RASGRP3: variants seen among roughly 807,000 people sequenced by gnomAD.
RASGRP3 encodes RAS guanyl releasing protein 3.
RASGRP3 carries 54 observed loss-of-function variants against 82.7 expected under a neutral mutation model. The ratio of observed to expected loss-of-function variants is 0.65; its 90% CI spans 0.52 to 0.82. RASGRP3 has a LOEUF of 0.82. Among genes scored for constraint, RASGRP3 ranks in the 40% least tolerant of loss-of-function variants. The probability of loss-of-function intolerance (pLI) is 0.00; values close to 1 mark genes in which losing one functional copy is unlikely to be tolerated. For synonymous variants in RASGRP3, 309 were observed against 300.5 expected, an observed-to-expected ratio of 1.03 and a Z score of -0.29; for missense variants, 861 against 828.9, an observed-to-expected ratio of 1.04 and a Z score of -0.48.
chr2:33,540,555 TTTGTG>T lies in RASGRP3; in HGVS notation c.1278+1347_1278+1351del, dbSNP rs1419465503. On this transcript the variant is annotated intron_variant, in intron 12 of 17. Transcript: ENST00000403687. ...TCTCTCTCTCTCTCTGTGTGTGTGT[TTTGTG>T]TGTGTGTGTGTGTGTGTGTGTGTGT... Among the ~76,000 whole-genome samples, 6 of 15,950 alleles carry T rather than the reference TTTGTG, an allele frequency of 3.8e-4. 1 individual carries two copies. The highest frequency in any genetic ancestry group is 1.3e-3 in the African/African-American group (5 of 3,928). 10.5% of individuals were successfully genotyped at this position (15,950 alleles called of 152,430 possible).
At chr2:33,512,654 TGTATG>T (rs1329282450) in intron 2 of RASGRP3, among the ~76,000 whole-genome samples, 3 of 152,240 alleles carry the variant, frequency 2.0e-5, no homozygotes, top group Non-Finnish European at 2.9e-5. Context: ...CTCTTAAAAA[TGTATG>T]GTATCTATAC....
At chr2:33,524,097 T>A in intron 8 of RASGRP3, 45 bp downstream of exon 8, 1 of 1,587,302 alleles carries the variant, frequency 6.3e-7, no homozygotes, top group Non-Finnish European at 8.6e-7. Context: ...TAGATGTTCG[T>A]TCACTCTGTT....
intron 1 of RASGRP3, among the ~76,000 whole-genome samples, chr2:33,508,954 G>A (rs1331144178): frequency 6.6e-6 from 1 of 152,170 alleles, no homozygotes; most frequent in African/African-American, 2.4e-5. Flanking sequence ...TTATGGTCTA[G>A]TTACACTTTC....
Position 33,563,515 on chromosome 2 carries a change from T to A in RASGRP3, c.*778T>A, listed in dbSNP as rs923752490. 1.3e-5 allele frequency: 2 copies of A among 152,230 alleles called. No homozygotes were observed. The highest frequency in any genetic ancestry group is 4.8e-5 in the African/African-American group (2 of 41,460). The allele number at this position is 152,230 out of a possible 1,614,324, so 9.4% of individuals were successfully genotyped here. On this transcript the variant is annotated 3_prime_UTR_variant, in exon 18 of 18. Coordinates refer to ENST00000403687, the MANE Select transcript of RASGRP3 (RefSeq NM_001139488.2). ...GGAAGAAAATTATGCTTGTCCCTTC[T>A]GACTGGGTTAAGCCATCTTTCTTAA...
At chr2:33,446,714 G>A (rs1558392632) in intron 1 of RASGRP3, among the ~76,000 whole-genome samples, 1 of 152,074 alleles carries the variant, frequency 6.6e-6, no homozygotes, top group Non-Finnish European at 1.5e-5. Context: ...AAAAGGAAGG[G>A]AGGGAATGTG....
rs117849979 is a variant in RASGRP3 at position 33,548,072 on chromosome 2, G to C, written c.1395-1532G>C. Among the ~76,000 whole-genome samples, 53 of 152,240 alleles carry C rather than the reference G, an allele frequency of 3.5e-4. 2 individuals are homozygous for C. The East Asian group carries it at 9.8e-3, about 28-fold the overall frequency. Reference sequence around the variant, plus strand: ...TTGAAAACTTCGGGAGTAAAAGAAGGTAGAGAGGGCTGGGCGCGGTGGCTC... The same window carrying C: ...TTGAAAACTTCGGGAGTAAAAGAAGCTAGAGAGGGCTGGGCGCGGTGGCTC... On this transcript the variant is annotated intron_variant, in intron 13 of 17. Coordinates refer to ENST00000403687, the MANE Select transcript of RASGRP3 (RefSeq NM_001139488.2).
intron 1 of RASGRP3, among the ~76,000 whole-genome samples, chr2:33,477,038 G>A (rs1667443147): frequency 8.7e-6 from 1 of 115,390 alleles, no homozygotes; most frequent in Non-Finnish European, 2.1e-5. Flanking sequence ...TGGTGTTTAG[G>A]TTCAAAGTCA....
chr2:33,559,126 T>A (rs1377294415), intron 17 of RASGRP3, 96 bp downstream of exon 17: 6 of 1,036,548 alleles, frequency 5.8e-6, no homozygotes, highest in Non-Finnish European at 8.2e-6. Flanking sequence ...GCCTGGTAGT[T>A]CTGAAAGCAG....
intron 10 of RASGRP3, among the ~76,000 whole-genome samples, chr2:33,529,060 G>A (rs1488961000): frequency 1.3e-5 from 2 of 152,208 alleles, no homozygotes; most frequent in East Asian, 1.9e-4. Flanking sequence ...ACTTCAGAGA[G>A]CAGGTGCCTA....
intron 15 of RASGRP3, among the ~76,000 whole-genome samples, chr2:33,557,972 A>G (rs2151115130): frequency 6.6e-6 from 1 of 152,244 alleles, no homozygotes; most frequent in South Asian, 2.1e-4. Context: ...TAGGTCCTCA[A>G]TTGCATACAG....
At chr2:33,501,992 A>G (rs1669916050) in intron 1 of RASGRP3, among the ~76,000 whole-genome samples, 1 of 152,326 alleles carries the variant, frequency 6.6e-6, no homozygotes, top group Admixed American at 6.5e-5. Flanking sequence ...GTATGAGGGC[A>G]GGAAGTAGAA....
chr2:33,441,269 C>T (rs1665212061), intron 1 of RASGRP3, among the ~76,000 whole-genome samples: 1 of 152,146 alleles, frequency 6.6e-6, no homozygotes, highest in Admixed American at 6.6e-5. Context: ...CCCCTCCTCC[C>T]ACCCTTAGTG....
intron 14 of RASGRP3, among the ~76,000 whole-genome samples, chr2:33,552,121 T>G (rs1675435759): frequency 6.6e-6 from 1 of 152,188 alleles, no homozygotes; most frequent in Non-Finnish European, 1.5e-5. Context: ...AGCAGCAAGG[T>G]AGACTTTCTT....
intron 2 of RASGRP3, among the ~76,000 whole-genome samples, chr2:33,456,751 T>C (rs1457621979): frequency 2.0e-5 from 3 of 152,156 alleles, no homozygotes; most frequent in Non-Finnish European, 2.9e-5. Flanking sequence ...ATTAATCCAA[T>C]TCACACACAG....
chr2:33,534,117 C>A, intron 10 of RASGRP3: 1 of 552,352 alleles, frequency 1.8e-6, no homozygotes, highest in Non-Finnish European at 3.2e-6. Flanking sequence ...GTTGATGGTT[C>A]TCGTCAATAC....
At chr2:33,535,089 A>G (rs1673472425) in intron 11 of RASGRP3, among the ~76,000 whole-genome samples, 1 of 152,234 alleles carries the variant, frequency 6.6e-6, no homozygotes, top group African/African-American at 2.4e-5. Flanking sequence ...TCCATTCAAC[A>G]TAAAATTAGA....
intron 2 of RASGRP3, among the ~76,000 whole-genome samples, chr2:33,464,552 A>G (rs2150904833): frequency 6.6e-6 from 1 of 151,016 alleles, no homozygotes; most frequent in East Asian, 1.9e-4. Context: ...AGCTCACTGC[A>G]GCCTTGACTT....
At chr2:33,507,987 G>T (rs1292299604) in intron 1 of RASGRP3, among the ~76,000 whole-genome samples, 1 of 152,260 alleles carries the variant, frequency 6.6e-6, no homozygotes, top group African/African-American at 2.4e-5. Flanking sequence ...AGAAGGGAAA[G>T]AAGTGGTTGG....
At chr2:33,471,885 C>A (rs976157424), upstream of RASGRP3, among the ~76,000 whole-genome samples, 1 of 99,690 alleles carries the variant, frequency 1.0e-5, no homozygotes, top group Non-Finnish European at 2.1e-5. Flanking sequence ...TTAATTTATT[C>A]TCCAATCAAT....
Sources: gnomAD v4.1 joint callset for allele counts (sites outside exome capture counted in the v4.1 genomes callset) on GRCh38, gnomAD v4.1.1 for gene constraint, MANE v1.5 for transcripts, NCBI Gene and HGNC (gene_info 2026-07-23, HGNC 2026-07-21) for gene names.